Variants in PCMT1 observed in about 807,000 individuals in gnomAD.
PCMT1 encodes the protein protein-L-isoaspartate (D-aspartate) O-methyltransferase, also known as protein-L-isoaspartate(D-aspartate) O-methyltransferase.
A neutral mutation model predicts 29.2 loss-of-function variants in PCMT1; 9 were observed. The observed-to-expected ratio is 0.31, with a 90% CI of 0.19 to 0.54. The LOEUF is 0.54. PCMT1 is among the 20% of genes least tolerant of loss of function. The pLI is 0.95. For synonymous variants in PCMT1, 98 were observed against 97.5 expected (o/e 1.00, Z -0.03); for missense variants, 184 against 282.2 (o/e 0.65, Z 2.49).
intron 3 of PCMT1, among the ~76,000 whole-genome samples, chr6:149,774,538 C>CTT (rs34761342): frequency 1.7e-5 from 2 of 116,944 alleles, no homozygotes; most frequent in African/African-American, 3.6e-5. Flanking sequence ...TGGGCCCAGT[C>CTT]TTTTTTTTTT....
rs371365003 is a variant in PCMT1, at chr6:149,756,298, C to A, written c.55+6342C>A. Among the ~76,000 whole-genome samples, 8 of 142,978 alleles carry A rather than the reference C, an allele frequency of 5.6e-5. No homozygotes were observed. In the East Asian group the frequency reaches 1.7e-3, roughly 30 times the overall value. The allele number at this position is 142,978 out of a possible 152,430, so 93.8% of individuals were successfully genotyped here. On this transcript the variant is annotated intron_variant, in intron 1 of 7. Transcript: ENST00000464889. ...ATGAAATTATTTTCTATCTACAGCACCAGTTCTTAGCCACTAGTAGGTGTT... is the reference window on the plus strand; with the variant it reads ...ATGAAATTATTTTCTATCTACAGCAACAGTTCTTAGCCACTAGTAGGTGTT...
intron 3 of PCMT1, among the ~76,000 whole-genome samples, chr6:149,787,518 C>A (rs140163419): frequency 5.9e-5 from 9 of 151,968 alleles, no homozygotes; most frequent in Admixed American, 5.2e-4. Context: ...GCCGCCACCA[C>A]GCCCGGCTAA....
At position 149,756,519 on chromosome 6, in the gene PCMT1, T is replaced by A. The variant is rs1456216855; in HGVS notation, c.55+6563T>A. On this transcript the variant is annotated intron_variant, in intron 1 of 7. Transcript: ENST00000464889. ...GCACACCACCATGACTGGCTTTTTT[T>A]TTTTTTTTTTTTTTTTTTTTTTTTT... 6.5e-3 allele frequency among the ~76,000 whole-genome samples: 827 copies of A among 127,132 alleles called. 72 individuals are homozygous for A. The highest frequency in any genetic ancestry group is 0.021 in the African/African-American group (728 of 33,894). The allele number at this position is 127,132 out of a possible 152,430, so 83.4% of individuals were successfully genotyped here.
intron 3 of PCMT1, among the ~76,000 whole-genome samples, chr6:149,773,568 C>T (rs781356411): frequency 2.0e-5 from 3 of 152,042 alleles, no homozygotes; most frequent in African/African-American, 2.4e-5. Context: ...TTAGTAGAGA[C>T]GGGGTTTCAT....
At chr6:149,762,778 C>T (rs868486796) in intron 1 of PCMT1, among the ~76,000 whole-genome samples, 15 of 35,344 alleles carry the variant, frequency 4.2e-4, no homozygotes, top group African/African-American at 3.2e-3. Flanking sequence ...TATATATATA[C>T]CTATGATATA....
At chr6:149,787,393 A>C (rs1331227494) in intron 3 of PCMT1, among the ~76,000 whole-genome samples, 1 of 150,948 alleles carries the variant, frequency 6.6e-6, no homozygotes, top group Non-Finnish European at 1.5e-5. Flanking sequence ...TTGAGACGGA[A>C]TCTCGCTCTG....
At chr6:149,760,716 G>A (rs1786700510) in intron 1 of PCMT1, among the ~76,000 whole-genome samples, 1 of 152,120 alleles carries the variant, frequency 6.6e-6, no homozygotes, top group South Asian at 2.1e-4. Flanking sequence ...GCTGGGCATG[G>A]TGGTGCATGC....
At chr6:149,779,653 T>TA (rs1486370593) in intron 3 of PCMT1, among the ~76,000 whole-genome samples, 22 of 151,884 alleles carry the variant, frequency 1.4e-4, no homozygotes, top group Admixed American at 1.3e-3. Context: ...CTACTAAAAA[T>TA]ACAAAAATTA....
At position 149,761,373 on chromosome 6, in the gene PCMT1, CAGA is replaced by C. The variant is rs1415168710; in HGVS notation, c.56-9787_56-9785del. Reference sequence around the variant, plus strand: ...AATATATGTACATATTTAAAAGATACAGAATAAGATGAGCTTATAATGAAAAAC... The same window carrying C: ...AATATATGTACATATTTAAAAGATACATAAGATGAGCTTATAATGAAAAAC... On this transcript the variant is annotated intron_variant, in intron 1 of 7. Transcript: ENST00000464889. 5.3e-5 allele frequency among the ~76,000 whole-genome samples: 8 copies of C among 152,056 alleles called. No homozygotes were observed. The East Asian group carries it at 5.8e-4, about 11-fold the overall frequency.
intron 4 of PCMT1, among the ~76,000 whole-genome samples, chr6:149,791,858 G>A (rs1788385680): frequency 6.6e-6 from 1 of 152,156 alleles, no homozygotes; most frequent in Admixed American, 6.5e-5. Flanking sequence ...TGGTTTCTGA[G>A]TTGTTTTTCA....
rs149053869 is a variant in PCMT1 at position 149,804,612 on chromosome 6, C to T, written c.*37+2196C>T. Among the ~76,000 whole-genome samples the T allele has an allele frequency of 8.7e-4, 133 of 152,208 alleles. 1 individual carries two copies. Among genetic ancestry groups the T allele is most frequent in the African/African-American group, 3.1e-3 (128 of 41,540 alleles). ...CACTACAACCTCCGTCTCCCAGGTT[C>T]AAGCAATTCTCCTGCCTCAGCTTCC... On this transcript the variant is annotated intron_variant, in intron 7 of 7. Coordinates refer to ENST00000464889, the MANE Select transcript of PCMT1 (RefSeq NM_001360452.2).
intron 1 of PCMT1, among the ~76,000 whole-genome samples, chr6:149,758,089 G>A (rs990942134): frequency 2.0e-5 from 3 of 151,688 alleles, no homozygotes; most frequent in Non-Finnish European, 2.9e-5. Flanking sequence ...TCACCATGTT[G>A]GCCAGGATGG....
At chr6:149,788,934 T>G (rs1012737296) in intron 3 of PCMT1, among the ~76,000 whole-genome samples, 20 of 152,188 alleles carry the variant, frequency 1.3e-4, no homozygotes, top group Admixed American at 1.3e-3. Flanking sequence ...ATATATTTGT[T>G]GGGAACGGTT....
At position 149,775,889 on chromosome 6, in the gene PCMT1, G is replaced by A. The variant is rs536920604; in HGVS notation, c.192+2720G>A. 1.4e-3 allele frequency among the ~76,000 whole-genome samples: 212 copies of A among 152,262 alleles called. 1 individual carries two copies. Among genetic ancestry groups the A allele is most frequent in the Non-Finnish European group, 2.4e-3 (162 of 68,018 alleles). Reference sequence around the variant, plus strand: ...TGATAGTTCATCGTGGCCAGGCGTGGTGGCTCACATCTGTAATCCCAGCAC... The same window carrying A: ...TGATAGTTCATCGTGGCCAGGCGTGATGGCTCACATCTGTAATCCCAGCAC... On this transcript the variant is annotated intron_variant, in intron 3 of 7. Transcript: ENST00000464889.
chr6:149,777,449 A>C (rs570402510), intron 3 of PCMT1, among the ~76,000 whole-genome samples: 2 of 124,816 alleles, frequency 1.6e-5, no homozygotes, highest in African/African-American at 7.7e-5. Context: ...CATGTTGTGG[A>C]GTATTGTGAA....
chr6:149,767,256 C>CT (rs912621216), intron 1 of PCMT1, among the ~76,000 whole-genome samples: 3 of 101,634 alleles, frequency 3.0e-5, no homozygotes, highest in African/African-American at 1.4e-4. Flanking sequence ...CAGTAATTCA[C>CT]TCTTTTTTTT....
chr6:149,752,147 G>A (rs1786348850), intron 1 of PCMT1, among the ~76,000 whole-genome samples: 1 of 145,032 alleles, frequency 6.9e-6, no homozygotes, highest in Non-Finnish European at 1.5e-5. Flanking sequence ...CCAAAATTTT[G>A]GGATTACAAG....
intron 7 of PCMT1, among the ~76,000 whole-genome samples, chr6:149,808,755 G>A (rs1776078894): frequency 6.6e-6 from 1 of 151,824 alleles, no homozygotes. Context: ...TCCTGCCTCA[G>A]CCTCCCGAAT....
At chr6:149,765,444 G>C (rs915469435) in intron 1 of PCMT1, among the ~76,000 whole-genome samples, 21 of 151,490 alleles carry the variant, frequency 1.4e-4, no homozygotes, top group Non-Finnish European at 2.9e-5. Flanking sequence ...TGCTTCTTCG[G>C]GTAGAAATAA....
Sources: gnomAD v4.1 joint callset for allele counts (sites outside exome capture counted in the v4.1 genomes callset) on GRCh38, gnomAD v4.1.1 for gene constraint, MANE v1.5 for transcripts, NCBI Gene and HGNC (gene_info 2026-07-23, HGNC 2026-07-21) for gene names.